The following FSTL5 variants were observed in gnomAD, a reference collection of about 807,000 sequenced individuals.
FSTL5 encodes follistatin like 5.
In FSTL5, 62 loss-of-function variants were observed where a neutral mutation model predicts 89.1. The ratio of observed to expected loss-of-function variants is 0.70; its 90% CI spans 0.57 to 0.86. FSTL5 has a LOEUF of 0.86. Ranked by LOEUF, FSTL5 falls within the 40% of genes least tolerant of loss-of-function variation. FSTL5 has a pLI of 0.00. For missense variants in FSTL5, 1,057 were observed against 1,001.6 expected, an observed-to-expected ratio of 1.06 and a Z score of -0.75; for synonymous variants, 383 against 346.2, an observed-to-expected ratio of 1.11 and a Z score of -1.18.
intron 15 of FSTL5, among the ~76,000 whole-genome samples, chr4:161,412,028 G>A (rs1053649191): frequency 6.6e-6 from 1 of 152,070 alleles, no homozygotes; most frequent in Non-Finnish European, 1.5e-5. Flanking sequence ...AAAATCAGTA[G>A]CATTTCCATA....
intron 4 of FSTL5, among the ~76,000 whole-genome samples, chr4:161,915,921 T>A (rs1340218868): frequency 6.6e-6 from 1 of 152,056 alleles, no homozygotes; most frequent in Non-Finnish European, 1.5e-5. Context: ...AAAAAATACA[T>A]GTGGATTAGC....
chr4:161,549,947 A>G (rs13111910), intron 8 of FSTL5, among the ~76,000 whole-genome samples: 42,755 of 151,824 alleles, frequency 0.28, 7,061 homozygotes, highest in Non-Finnish European at 0.37. Flanking sequence ...CAGACTTACT[A>G]AAACTATAAA....
rs1040547003 is a variant in FSTL5 at position 161,975,882 on chromosome 4, G to A, written c.161-55230C>T. 7.9e-5 allele frequency among the ~76,000 whole-genome samples: 12 copies of A among 151,176 alleles called. No individual in the cohort carries two copies. In the East Asian group the frequency reaches 2.1e-3, roughly 27 times the overall value. On this transcript the variant is annotated intron_variant, in intron 3 of 15. Coordinates refer to ENST00000306100, the MANE Select transcript of FSTL5 (RefSeq NM_020116.5). The stretch of plus-strand genomic sequence containing the variant: ...TGTAATCCCAGCACTTTGGGAGGCC[G>A]AGGCGGGCGGATCACGAGGCCAGGA...
At chr4:161,416,155 A>T in intron 15 of FSTL5, among the ~76,000 whole-genome samples, 1 of 152,182 alleles carries the variant, frequency 6.6e-6, no homozygotes, top group Admixed American at 6.5e-5. Context: ...TTATCCCAAG[A>T]GAAAAATTAA....
chr4:161,618,677 C>T (rs895827484), intron 7 of FSTL5, among the ~76,000 whole-genome samples: 1 of 152,136 alleles, frequency 6.6e-6, no homozygotes, highest in African/African-American at 2.4e-5. Flanking sequence ...ATGAAGCCCA[C>T]TTGATCATGG....
At chr4:161,744,896 G>T (rs1217012256) in intron 6 of FSTL5, among the ~76,000 whole-genome samples, 1 of 151,942 alleles carries the variant, frequency 6.6e-6, no homozygotes, top group African/African-American at 2.4e-5. Flanking sequence ...TTCAGTAGCT[G>T]TCTATGCATT....
chr4:161,938,457 T>C (rs1442124455), intron 3 of FSTL5, among the ~76,000 whole-genome samples: 1 of 152,130 alleles, frequency 6.6e-6, no homozygotes, highest in African/African-American at 2.4e-5. Context: ...TAGATATGGA[T>C]ATCCAGCAAA....
At chr4:161,932,760 CTCAT>C (rs1734326468) in intron 3 of FSTL5, among the ~76,000 whole-genome samples, 1 of 151,902 alleles carries the variant, frequency 6.6e-6, no homozygotes, top group Non-Finnish European at 1.5e-5. Flanking sequence ...GAAATCTTCA[CTCAT>C]TCATAAAATA....
At position 161,783,659 on chromosome 4, in the gene FSTL5, CTT is replaced by C. The variant is rs1388505677; in HGVS notation, c.410-7587_410-7586del. On this transcript the variant is annotated intron_variant, in intron 4 of 15. Coordinates refer to ENST00000306100, the MANE Select transcript of FSTL5 (RefSeq NM_020116.5). ...TTTCTTTCTTTCTCTCTCTTTCTTT[CTT>C]TCTCTTTCTTTCTTTCTCTTTCTTT... Among the ~76,000 whole-genome samples the C allele has an allele frequency of 1.1e-4, 9 of 78,488 alleles. 1 individual carries two copies. The East Asian group carries it at 3.0e-3, about 26-fold the overall frequency. The allele number at this position is 78,488 out of a possible 152,430, so 51.5% of individuals were successfully genotyped here.
chr4:162,127,813 T>C (rs1732144047), intron 1 of FSTL5, among the ~76,000 whole-genome samples: 2 of 152,186 alleles, frequency 1.3e-5, no homozygotes, highest in African/African-American at 4.8e-5. Context: ...GATTATTTTA[T>C]ATATGCATTA....
chr4:162,129,240 T>C (rs546889132), intron 1 of FSTL5, among the ~76,000 whole-genome samples: 14 of 152,252 alleles, frequency 9.2e-5, no homozygotes, highest in Admixed American at 8.5e-4. Context: ...GCCGAGACTT[T>C]CTATTTTTAT....
intron 2 of FSTL5, among the ~76,000 whole-genome samples, chr4:162,104,705 T>C (rs1413723354): frequency 1.3e-5 from 2 of 152,194 alleles, no homozygotes; most frequent in Middle Eastern, 3.2e-3. Context: ...CCTTTGTCTT[T>C]GACCCAGGAG....
chr4:161,913,773 GC>G (rs575788758), intron 4 of FSTL5, among the ~76,000 whole-genome samples: 53 of 152,250 alleles, frequency 3.5e-4, no homozygotes, highest in African/African-American at 1.2e-3. Context: ...TTTTGGACTT[GC>G]TTGGGCCCTG....
At chr4:162,104,289 T>C (rs1458323339) in intron 2 of FSTL5, among the ~76,000 whole-genome samples, 2 of 152,162 alleles carry the variant, frequency 1.3e-5, no homozygotes, top group African/African-American at 4.8e-5. Context: ...CCGTGACCAA[T>C]GGCTTCCAAC....
chr4:162,042,251 G>C (rs977376197), intron 2 of FSTL5, among the ~76,000 whole-genome samples: 1 of 152,030 alleles, frequency 6.6e-6, no homozygotes, highest in African/African-American at 2.4e-5. Context: ...TATTACTAAT[G>C]GTTTAGAAGT....
intron 10 of FSTL5, among the ~76,000 whole-genome samples, chr4:161,514,664 A>T (rs1018213233): frequency 6.6e-6 from 1 of 152,190 alleles, no homozygotes; most frequent in Non-Finnish European, 1.5e-5. Flanking sequence ...TTGAATTGTG[A>T]TTACTATTTA....
intron 1 of FSTL5, among the ~76,000 whole-genome samples, chr4:162,115,801 TGGCAAAAC>T (rs1450903778): frequency 6.6e-6 from 1 of 152,202 alleles, no homozygotes; most frequent in Admixed American, 6.5e-5. Context: ...TTTCTCCGCA[TGGCAAAAC>T]ATGCCATGCT....
At chr4:161,562,605 T>A (rs12505476) in intron 8 of FSTL5, among the ~76,000 whole-genome samples, 70,723 of 151,176 alleles carry the variant, frequency 0.47, 16,715 homozygotes, top group Middle Eastern at 0.58. Context: ...ATATAAATGG[T>A]TTTTTTTCCT....
chr4:161,998,404 C>G (rs1006612817), intron 3 of FSTL5, among the ~76,000 whole-genome samples: 4 of 152,138 alleles, frequency 2.6e-5, no homozygotes, highest in Non-Finnish European at 5.9e-5. Flanking sequence ...AGCCTACCTT[C>G]AAAGAACAGC....
Sources: gnomAD v4.1 joint callset for allele counts (sites outside exome capture counted in the v4.1 genomes callset) on GRCh38, gnomAD v4.1.1 for gene constraint, MANE v1.5 for transcripts, NCBI Gene and HGNC (gene_info 2026-07-23, HGNC 2026-07-21) for gene names.